Variants in PPHLN1 observed in about 807,000 individuals in gnomAD.
The protein encoded by PPHLN1 is periphilin-1.
Under a neutral mutation model 51.3 loss-of-function variants are expected in PPHLN1, and 29 were observed. The ratio of observed to expected loss-of-function variants is 0.57; its 90% confidence interval spans 0.42 to 0.77. PPHLN1 has a LOEUF of 0.77. PPHLN1 is among the 30% of genes least tolerant of loss of function. PPHLN1 has a pLI of 0.00. For missense variants in PPHLN1, 436 were observed against 438.4 expected (o/e 0.99, Z 0.05); for synonymous variants, 147 against 147.8 (o/e 0.99, Z 0.04).
chr12:42,429,824 C>T (rs1484744628), intron 9 of PPHLN1, among the ~76,000 whole-genome samples: 1 of 152,210 alleles, frequency 6.6e-6, no homozygotes, highest in Admixed American at 6.5e-5. Flanking sequence ...AGGGTCAAAG[C>T]AGAACAGATC....
chr12:42,332,674 C>A, intron 1 of PPHLN1: 1 of 1,578,232 alleles, frequency 6.3e-7, no homozygotes, highest in Non-Finnish European at 8.7e-7. Flanking sequence ...TTGTTGAAAA[C>A]GTTAAATTTG....
intron 1 of PPHLN1, among the ~76,000 whole-genome samples, chr12:42,327,791 T>C (rs565416375): frequency 6.6e-6 from 1 of 152,328 alleles, no homozygotes; most frequent in South Asian, 2.1e-4. Context: ...CAGTTATTTC[T>C]TGAATGATTG....
chr12:42,425,547 C>T (rs1056821823), intron 9 of PPHLN1, among the ~76,000 whole-genome samples: 3 of 150,494 alleles, frequency 2.0e-5, no homozygotes, highest in Non-Finnish European at 4.4e-5. Context: ...CCACCATGCT[C>T]AGTTAATTTT....
intron 2 of PPHLN1, among the ~76,000 whole-genome samples, chr12:42,336,978 G>A (rs1474981228): frequency 2.0e-5 from 3 of 152,182 alleles, no homozygotes; most frequent in East Asian, 3.9e-4. Flanking sequence ...TCCAGGTTGG[G>A]GTTGATTTAA....
intron 7 of PPHLN1, among the ~76,000 whole-genome samples, chr12:42,388,389 C>T (rs542651590): frequency 2.0e-5 from 3 of 152,312 alleles, no homozygotes; most frequent in South Asian, 4.1e-4. Flanking sequence ...ATCTGGCCTA[C>T]TTGCACATCC....
chr12:42,413,870 G>A lies in PPHLN1; in HGVS notation c.909+14876G>A, dbSNP rs557943457. Among the ~76,000 whole-genome samples, 3 of 151,036 alleles carry A rather than the reference G, an allele frequency of 2.0e-5. No homozygotes were observed. In the East Asian group the frequency reaches 6.0e-4, roughly 30 times the overall value. On this transcript the variant is annotated intron_variant, in intron 9 of 9. Coordinates refer to ENST00000358314, the MANE Select transcript of PPHLN1 (RefSeq NM_201439.2). ...GAGCCACTGTGCCCAGCCGATAACT[G>A]TAGTTTTGTAATATAATTTGAAGCC...
intron 2 of PPHLN1, among the ~76,000 whole-genome samples, chr12:42,346,630 T>C (rs2072374028): frequency 6.6e-6 from 1 of 152,168 alleles, no homozygotes; most frequent in South Asian, 2.1e-4. Context: ...TACTAGGTCA[T>C]GTGGTAGTTT....
At chr12:42,446,528 CTTAG>C (rs1221631487), downstream of PPHLN1, 1 of 1,578,512 alleles carries the variant, frequency 6.3e-7, no homozygotes, top group African/African-American at 1.4e-5. Context: ...GGGGTCGCTT[CTTAG>C]TTAGAAAAGA....
intron 2 of PPHLN1, among the ~76,000 whole-genome samples, chr12:42,349,027 A>G (rs552354276): frequency 3.9e-5 from 6 of 152,350 alleles, no homozygotes; most frequent in East Asian, 3.9e-4. Context: ...GCTCTCAAAT[A>G]AATACAAACT....
At chr12:42,326,778 A>G (rs1330547990) in intron 1 of PPHLN1, among the ~76,000 whole-genome samples, 1 of 152,184 alleles carries the variant, frequency 6.6e-6, no homozygotes, top group East Asian at 1.9e-4. Context: ...AGAGGCCATA[A>G]CATGCCCACC....
At chr12:42,350,806 A>T (rs923897204) in intron 2 of PPHLN1, among the ~76,000 whole-genome samples, 1 of 152,070 alleles carries the variant, frequency 6.6e-6, no homozygotes, top group Non-Finnish European at 1.5e-5. Flanking sequence ...CCACCAAAAA[A>T]TACAAAAACC....
chr12:42,384,866 T>G, intron 5 of PPHLN1, 74 bp from the exon 6 acceptor site: 2 of 1,422,942 alleles, frequency 1.4e-6, no homozygotes, highest in South Asian at 2.3e-5. Flanking sequence ...TCACTCCTAC[T>G]TCTGAGTTCT....
At position 42,411,903 on chromosome 12, in the gene PPHLN1, CAAAAAAAAAAA is replaced by C. The variant is rs1212289027; in HGVS notation, c.909+12919_909+12929del. Among the ~76,000 whole-genome samples the C allele has an allele frequency of 2.1e-4, 7 of 33,986 alleles. No individual in the cohort carries two copies. The South Asian group carries it at 8.5e-3, about 41-fold the overall frequency. 22.3% of individuals were successfully genotyped at this position (33,986 alleles called of 152,430 possible). On this transcript the variant is annotated intron_variant, in intron 9 of 9. Coordinates refer to ENST00000358314, the MANE Select transcript of PPHLN1 (RefSeq NM_201439.2). ...TGGGGGATAGAGTGAGACTCAGTCT[CAAAAAAAAAAA>C]AAAAAAAAAGGGCTGGGCGCGGTAT...
intron 5 of PPHLN1, among the ~76,000 whole-genome samples, chr12:42,380,899 T>C (rs540992194): frequency 6.6e-6 from 1 of 152,284 alleles, no homozygotes; most frequent in African/African-American, 2.4e-5. Flanking sequence ...TCAACAAACA[T>C]ATATTGAACA....
chr12:42,392,955 A>G (rs1172326069), intron 7 of PPHLN1, among the ~76,000 whole-genome samples: 1 of 152,222 alleles, frequency 6.6e-6, no homozygotes, highest in African/African-American at 2.4e-5. Flanking sequence ...AGTTAGGTGT[A>G]TAAAGTCATC....
chr12:42,424,326 C>T (rs2081246844), intron 9 of PPHLN1, among the ~76,000 whole-genome samples: 1 of 152,146 alleles, frequency 6.6e-6, no homozygotes, highest in Admixed American at 6.5e-5. Flanking sequence ...AGGACAGAAA[C>T]CAAATTTAGA....
intron 5 of PPHLN1, among the ~76,000 whole-genome samples, chr12:42,376,499 AAC>A (rs2076275846): frequency 6.6e-6 from 1 of 152,224 alleles, no homozygotes; most frequent in Non-Finnish European, 1.5e-5. Flanking sequence ...ATTTAAAACA[AAC>A]ACAGGCTGGG....
intron 9 of PPHLN1, among the ~76,000 whole-genome samples, chr12:42,407,910 C>G (rs1397204451): frequency 6.6e-6 from 1 of 152,074 alleles, no homozygotes; most frequent in Non-Finnish European, 1.5e-5. Flanking sequence ...TATTTTTGAT[C>G]TGTGGTTTGG....
At chr12:42,424,890 A>ATC (rs1187975817) in intron 9 of PPHLN1, among the ~76,000 whole-genome samples, 1 of 92,452 alleles carries the variant, frequency 1.1e-5, no homozygotes, top group African/African-American at 4.1e-5. Flanking sequence ...TGTTACAGAA[A>ATC]ACAAAAAGAA....
Sources: allele counts gnomAD v4.1 joint callset (sites outside exome capture counted in the v4.1 genomes callset), GRCh38; gene constraint gnomAD v4.1.1; transcripts MANE v1.5; gene names NCBI Gene and HGNC (gene_info 2026-07-23, HGNC 2026-07-21).